RGS7: variants seen among roughly 807,000 people sequenced by gnomAD.
RGS7 encodes regulator of G-protein signaling 7.
RGS7 carries 27 observed loss-of-function variants against 81.1 expected under a neutral mutation model. The observed-to-expected ratio is 0.33, with a 90% CI of 0.25 to 0.46. RGS7 has a LOEUF of 0.46. Ranked by LOEUF, RGS7 falls within the 20% of genes least tolerant of loss-of-function variation. The pLI is 1.00. For synonymous variants in RGS7, 208 were observed against 207.7 expected (o/e 1.00, Z -0.01); for missense variants, 396 against 607.4 (o/e 0.65, Z 3.66).
chr1:241,163,268 C>G lies in RGS7; in HGVS notation c.79-64506G>C, dbSNP rs6691012. ...ACTCAGCCTGCTCAGTCCTAGGGCT[C>G]AGTAGCTTTTTGTGGAGATGACTGC... On this transcript the variant is annotated intron_variant, in intron 2 of 18. Coordinates refer to ENST00000440928, the MANE Select transcript of RGS7 (RefSeq NM_001364886.1). This position sits in a 1 kb window ranked among gnomAD's most constrained non-coding sequence, Gnocchi z 4.6. 0.75 allele frequency among the ~76,000 whole-genome samples: 113,631 copies of G among 152,058 alleles called. 42,793 individuals carry two copies. Among genetic ancestry groups the G allele is most frequent in the Middle Eastern group, 0.81 (239 of 294 alleles).
At chr1:240,957,118 C>A (rs1467598724) in intron 4 of RGS7, among the ~76,000 whole-genome samples, 2 of 152,114 alleles carry the variant, frequency 1.3e-5, no homozygotes, top group African/African-American at 4.8e-5. Context: ...AGGCAGACCA[C>A]CCTCAATCTG....
At chr1:240,959,895 C>T (rs1681067531) in intron 4 of RGS7, among the ~76,000 whole-genome samples, 1 of 152,158 alleles carries the variant, frequency 6.6e-6, no homozygotes, top group Non-Finnish European at 1.5e-5. Flanking sequence ...CATGGTGGCT[C>T]ACGCCTGTAA....
chr1:240,790,193 C>T (rs1685746385), intron 18 of RGS7, among the ~76,000 whole-genome samples: 1 of 152,092 alleles, frequency 6.6e-6, no homozygotes, highest in Non-Finnish European at 1.5e-5. Flanking sequence ...AATCACGCCA[C>T]TGCACTCCAT....
chr1:241,152,838 C>T (rs537549726), intron 2 of RGS7, among the ~76,000 whole-genome samples: 114 of 152,282 alleles, frequency 7.5e-4, no homozygotes, highest in African/African-American at 2.6e-3. Context: ...CCAGAGTCAG[C>T]CATGTAGTAT....
chr1:241,160,152 A>G (rs536411713), intron 2 of RGS7, among the ~76,000 whole-genome samples: 1 of 151,890 alleles, frequency 6.6e-6, no homozygotes, highest in African/African-American at 2.4e-5. Flanking sequence ...AGAAAAAGAA[A>G]TAGGGTTTTC....
chr1:241,071,874 C>CAAAAAAAAAAAAAAAAAAAAAAAAAAA (rs58217460), intron 3 of RGS7, among the ~76,000 whole-genome samples: 6 of 56,850 alleles, frequency 1.1e-4, no homozygotes, highest in African/African-American at 4.3e-4. Context: ...GAGACCCTGT[C>CAAAAAAAAAAAAAAAAAAAAAAAAAAA]AAAAAAAAAA....
At chr1:241,314,080 T>C (rs1466562934) in intron 2 of RGS7, among the ~76,000 whole-genome samples, 1 of 152,202 alleles carries the variant, frequency 6.6e-6, no homozygotes, top group Non-Finnish European at 1.5e-5. Context: ...TATGAACATT[T>C]TTGAAATGAC....
chr1:241,027,159 T>G (rs1014272681), intron 3 of RGS7, among the ~76,000 whole-genome samples: 2 of 151,528 alleles, frequency 1.3e-5, no homozygotes, highest in African/African-American at 4.8e-5. Flanking sequence ...GCTATGATTA[T>G]GTCATTGTAC....
rs186118030 is a variant in RGS7 at position 240,987,735 on chromosome 1, G to A, written c.176-4606C>T. ...TTGGAGGATGGGGTCTCGCTATGTT[G>A]CCCAGACTTGTCTTGAAATCCTGGC... On this transcript the variant is annotated intron_variant, in intron 3 of 18. Transcript: ENST00000440928. Among the ~76,000 whole-genome samples the A allele has an allele frequency of 4.6e-5, 7 of 151,698 alleles. No individual in the cohort carries two copies. The East Asian group carries it at 1.4e-3, about 29-fold the overall frequency.
chr1:241,237,332 T>C (rs1195868719), intron 2 of RGS7, among the ~76,000 whole-genome samples: 3 of 152,180 alleles, frequency 2.0e-5, no homozygotes, highest in African/African-American at 7.2e-5. Context: ...CTTGCTCAGA[T>C]GAATGATCAT....
At chr1:241,043,349 A>G (rs1183813975) in intron 3 of RGS7, among the ~76,000 whole-genome samples, 2 of 151,868 alleles carry the variant, frequency 1.3e-5, no homozygotes, top group Non-Finnish European at 2.9e-5. Context: ...TGCTAAGGAA[A>G]AAGTCTGGAT....
intron 2 of RGS7, among the ~76,000 whole-genome samples, chr1:241,126,276 A>G (rs575946745): frequency 6.6e-6 from 1 of 151,868 alleles, no homozygotes; most frequent in Non-Finnish European, 1.5e-5. Flanking sequence ...CAGCCTCCTG[A>G]GTAGCTGGGA....
At chr1:241,198,888 C>T (rs2073277266) in intron 2 of RGS7, among the ~76,000 whole-genome samples, 1 of 152,090 alleles carries the variant, frequency 6.6e-6, no homozygotes, top group East Asian at 1.9e-4. Context: ...CAAGAAAAAT[C>T]AAACACCAAT....
intron 9 of RGS7, among the ~76,000 whole-genome samples, chr1:240,828,053 G>A (rs1021649697): frequency 6.6e-6 from 1 of 152,180 alleles, no homozygotes; most frequent in East Asian, 1.9e-4. Flanking sequence ...TGGAGTTCAT[G>A]GTTAAAATGT....
chr1:241,104,346 A>G (rs1372608216), intron 2 of RGS7, among the ~76,000 whole-genome samples: 1 of 152,224 alleles, frequency 6.6e-6, no homozygotes, highest in Admixed American at 6.5e-5. Context: ...AGAGATGCCT[A>G]TACATAAGCT....
chr1:240,817,922 T>G (rs1691116745), intron 10 of RGS7, among the ~76,000 whole-genome samples: 1 of 152,166 alleles, frequency 6.6e-6, no homozygotes, highest in Admixed American at 6.5e-5. Flanking sequence ...TTTTTGGTGC[T>G]CTTATCCTTT....
intron 11 of RGS7, among the ~76,000 whole-genome samples, chr1:240,815,383 T>C (rs2103115008): frequency 6.6e-6 from 1 of 152,222 alleles, no homozygotes; most frequent in East Asian, 1.9e-4. Context: ...TAAACGTTCA[T>C]TCATGGTGAA....
intron 2 of RGS7, among the ~76,000 whole-genome samples, chr1:241,350,741 C>CAAAA (rs71172699): frequency 3.4e-5 from 3 of 88,560 alleles, no homozygotes; most frequent in Non-Finnish European, 6.9e-5. Context: ...GACCCCATCT[C>CAAAA]AAAAAAAAAA....
At chr1:241,008,798 C>T (rs941067943) in intron 3 of RGS7, among the ~76,000 whole-genome samples, 2 of 151,210 alleles carry the variant, frequency 1.3e-5, no homozygotes, top group African/African-American at 4.9e-5. Context: ...TGTAATCCCA[C>T]CTACTTAGTA....
Sources: allele counts gnomAD v4.1 joint callset (sites outside exome capture counted in the v4.1 genomes callset), GRCh38; gene constraint gnomAD v4.1.1; non-coding constraint Gnocchi (gnomAD v3.1); transcripts MANE v1.5; gene names NCBI Gene and HGNC (gene_info 2026-07-23, HGNC 2026-07-21).